DSG2: variants seen among roughly 807,000 people sequenced by gnomAD.
DSG2 encodes the protein desmoglein-2.
In DSG2, 45 loss-of-function variants were observed where a neutral mutation model predicts 75.6. That is an observed-to-expected ratio of 0.60 (90% confidence interval 0.47 to 0.76). DSG2 has a LOEUF of 0.76. Among genes scored for constraint, DSG2 ranks in the 30% least tolerant of loss-of-function variants. The probability of loss-of-function intolerance (pLI) is 0.00; values close to 1 mark genes in which losing one functional copy is unlikely to be tolerated. For missense variants in DSG2, 1,267 were observed against 1,357.4 expected (o/e 0.93, Z 1.05); for synonymous variants, 429 against 483.9 (o/e 0.89, Z 1.49).
rs2073306318 is a variant in DSG2 at position 31,546,106 on chromosome 18, T to G, written c.2720T>G (p.Val907Gly). The G allele has an allele frequency of 1.9e-6, 3 of 1,614,190 alleles. No individual in the cohort carries two copies. The highest frequency in any genetic ancestry group is 2.5e-6 in the Non-Finnish European group (3 of 1,180,036). The change falls in exon 15 of 15, where the codon GTC becomes GGC. Residue 907 changes from valine (V) to glycine (G), a missense_variant. Val to Gly is a moderately radical substitution (Grantham distance 109). Coordinates refer to ENST00000261590, the MANE Select transcript of DSG2 (RefSeq NM_001943.5). ...ANAEKVTQEI[V>G]TERSVSSRQA... ...GCAGAGAAAGTAACTCAGGAAATAG[T>G]CACTGAAAGATCTGTGTCTTCTAGG... is the stretch of plus-strand genomic sequence containing the variant.
intron 9 of DSG2, among the ~76,000 whole-genome samples, chr18:31,533,507 A>AT (rs1183821715): frequency 3.3e-5 from 5 of 152,206 alleles, no homozygotes; most frequent in Non-Finnish European, 7.3e-5. Flanking sequence ...GTTTACAGAT[A>AT]TTTGATATAA....
rs373119484 is a variant in DSG2 at position 31,538,700 on chromosome 18, C to T, written c.1652-51C>T. 4.9e-6 allele frequency: 7 copies of T among 1,432,950 alleles called. No individual in the cohort carries two copies. The African/African-American group carries it at 9.8e-5, about 20-fold the overall frequency. 88.8% of individuals were successfully genotyped at this position (1,432,950 alleles called of 1,614,324 possible). A position where few individuals can be genotyped will look rare whatever the true frequency, so the allele number is the denominator to read the frequency against. Reference sequence around the variant, plus strand: ...ACATTTGTGGAATTTAATGTTGCCTCATCCTTGGTAATCGTTCGTTTTTAT... The same window carrying T: ...ACATTTGTGGAATTTAATGTTGCCTTATCCTTGGTAATCGTTCGTTTTTAT... On this transcript the variant is annotated intron_variant, in intron 11 of 14. Transcript: ENST00000261590.
chr18:31,517,654 A>C (rs1388369890), intron 1 of DSG2, among the ~76,000 whole-genome samples: 1 of 152,176 alleles, frequency 6.6e-6, no homozygotes, highest in Non-Finnish European at 1.5e-5. Flanking sequence ...TTTAAGAGTA[A>C]GCATAACTGT....
Position 31,521,085 on chromosome 18 carries a change from T to C in DSG2, c.379-14T>C, listed in dbSNP as rs1215423687. The C allele has an allele frequency of 1.9e-6, 3 of 1,613,822 alleles. No homozygotes were observed. Among genetic ancestry groups the C allele is most frequent in the Non-Finnish European group, 2.5e-6 (3 of 1,179,926 alleles). On this transcript the variant is annotated splice_polypyrimidine_tract_variant and intron_variant, in intron 4 of 14. Coordinates refer to ENST00000261590, the MANE Select transcript of DSG2 (RefSeq NM_001943.5). Reference sequence around the variant, plus strand: ...CTTAGCTTAAATCTAATCTTATTTATGTCATGATTTCAGCTAACAGGTTAC... The same window carrying C: ...CTTAGCTTAAATCTAATCTTATTTACGTCATGATTTCAGCTAACAGGTTAC...
intron 1 of DSG2, among the ~76,000 whole-genome samples, chr18:31,502,593 T>C (rs1462398115): frequency 2.0e-5 from 3 of 152,020 alleles, no homozygotes; most frequent in Admixed American, 6.6e-5. Flanking sequence ...CGACTAAAAA[T>C]ACAAAAAATT....
At chr18:31,515,433 C>G (rs1598807571) in intron 1 of DSG2, among the ~76,000 whole-genome samples, 1 of 152,110 alleles carries the variant, frequency 6.6e-6, no homozygotes, top group East Asian at 1.9e-4. Flanking sequence ...AGGCTGTTCC[C>G]TGATGATGTG....
intron 6 of DSG2, among the ~76,000 whole-genome samples, chr18:31,522,966 AAG>A (rs2073137892): frequency 6.6e-6 from 1 of 152,254 alleles, no homozygotes; most frequent in Non-Finnish European, 1.5e-5. Context: ...TTTAAATAAA[AAG>A]GGGAGATAGA....
At chr18:31,500,972 A>G (rs1282443132) in intron 1 of DSG2, among the ~76,000 whole-genome samples, 1 of 152,186 alleles carries the variant, frequency 6.6e-6, no homozygotes, top group Non-Finnish European at 1.5e-5. Context: ...CAGTAGTGTG[A>G]GCAGTAGCTG....
intron 8 of DSG2, among the ~76,000 whole-genome samples, chr18:31,530,028 G>A (rs549573470): frequency 1.6e-4 from 25 of 152,242 alleles, no homozygotes; most frequent in African/African-American, 5.5e-4. Flanking sequence ...TATGTATACA[G>A]TAATGAACTG....
In DSG2 at chr18:31,546,420, C is replaced by A; in HGVS notation, c.3034C>A (p.Pro1012Thr). Residue 1012 changes from proline (P) to threonine (T), a missense_variant, in exon 15 of 15, where the codon CCT becomes ACT. Transcript: ENST00000261590. ...AGGCACTCAGCATCTTCAAGATGTA[C>A]CTTACGTCATGGTGAGGGAAAGAGA... ...LEGTQHLQDV[P>T]YVMVRERESF... 6.2e-7 allele frequency: 1 copy of A among 1,614,138 alleles called. No homozygotes were observed. The highest frequency in any genetic ancestry group is 8.5e-7 in the Non-Finnish European group (1 of 1,180,010).
chr18:31,498,950 T>G (rs1005179086), intron 1 of DSG2, among the ~76,000 whole-genome samples: 3 of 152,198 alleles, frequency 2.0e-5, no homozygotes, highest in African/African-American at 7.2e-5. Context: ...GTTTGAAGCC[T>G]TATTCATTTA....
At chr18:31,511,086 A>G (rs1188978748) in intron 1 of DSG2, among the ~76,000 whole-genome samples, 2 of 152,150 alleles carry the variant, frequency 1.3e-5, no homozygotes, top group African/African-American at 4.8e-5. Context: ...TATACTACCC[A>G]CTAGAGATGT....
At chr18:31,517,238 T>C (rs1253665917) in intron 1 of DSG2, among the ~76,000 whole-genome samples, 1 of 152,112 alleles carries the variant, frequency 6.6e-6, no homozygotes, top group Non-Finnish European at 1.5e-5. Context: ...GCATCGAGAA[T>C]AGAATGATAG....
At chr18:31,498,386 C>G in intron 1 of DSG2, 90 bp downstream of exon 1, 4 of 1,219,842 alleles carry the variant, frequency 3.3e-6, no homozygotes, top group Non-Finnish European at 3.1e-6. Flanking sequence ...TGCCCGCCGC[C>G]CTTGTGCGCG....
At chr18:31,512,317 A>T (rs542703208) in intron 1 of DSG2, among the ~76,000 whole-genome samples, 3 of 152,310 alleles carry the variant, frequency 2.0e-5, no homozygotes, top group Non-Finnish European at 4.4e-5. Flanking sequence ...ATTTGCCCTC[A>T]TTCATTCCAT....
chr18:31,502,941 T>A (rs575821411), intron 1 of DSG2, among the ~76,000 whole-genome samples: 1 of 152,356 alleles, frequency 6.6e-6, no homozygotes, highest in Non-Finnish European at 1.5e-5. Context: ...TATAAACATA[T>A]AGTCTACATA....
In DSG2 at chr18:31,522,090, T is replaced by A; in HGVS notation, c.531T>A (p.Leu177=). 6.2e-7 allele frequency: 1 copy of A among 1,613,766 alleles called. No individual in the cohort carries two copies. Among genetic ancestry groups the A allele is most frequent in the Non-Finnish European group, 8.5e-7 (1 of 1,179,742 alleles). Residue 177 remains leucine (L), a synonymous_variant, in exon 6 of 15, where the codon CTT becomes CTA. Transcript: ENST00000261590. ...CTTTATTTCTAATGCCAGATACTCTTGTGATGAAAATCAATGCAACAGATG... is the reference window on the plus strand; with the variant it reads ...CTTTATTTCTAATGCCAGATACTCTAGTGATGAAAATCAATGCAACAGATG... The part of the protein sequence containing the change: ...SVEELSAAHT[L]VMKINATDAD...
rs373348633 is a variant in DSG2 at position 31,518,335 on chromosome 18, C to G, written c.81+61C>G. The G allele has an allele frequency of 1.6e-4, 220 of 1,402,414 alleles. No individual in the cohort carries two copies. In the Middle Eastern group the frequency reaches 3.2e-3, roughly 20 times the overall value. The allele number at this position is 1,402,414 out of a possible 1,614,324, so 86.9% of individuals were successfully genotyped here. A position where few individuals can be genotyped will look rare whatever the true frequency, so the allele number is the denominator to read the frequency against. On this transcript the variant is annotated intron_variant, in intron 2 of 14. Transcript: ENST00000261590. Reference sequence around the variant, plus strand: ...TCAGGAGGGTTAATTCCATGGCAAACAGGTTGACTGGGCTTTACTAGATTG... The same window carrying G: ...TCAGGAGGGTTAATTCCATGGCAAAGAGGTTGACTGGGCTTTACTAGATTG...
At chr18:31,538,004 A>G (rs1415789862) in intron 11 of DSG2, among the ~76,000 whole-genome samples, 1 of 151,110 alleles carries the variant, frequency 6.6e-6, no homozygotes, top group Non-Finnish European at 1.5e-5. Flanking sequence ...AAAAAATAAG[A>G]AGAAGAAGAA....
Sources: allele counts gnomAD v4.1 joint callset (sites outside exome capture counted in the v4.1 genomes callset), GRCh38; gene constraint gnomAD v4.1.1; transcripts MANE v1.5; gene names NCBI Gene and HGNC (gene_info 2026-07-23, HGNC 2026-07-21).